MIPOL1: variants seen among roughly 807,000 people sequenced by gnomAD.
MIPOL1 encodes the protein mirror-image polydactyly gene 1 protein.
In MIPOL1, 57 loss-of-function variants were observed where a neutral mutation model predicts 60.9. That is an observed-to-expected ratio of 0.94 (90% CI 0.76 to 1.17). The LOEUF is 1.17. Ranked by LOEUF, MIPOL1 falls within the 50% of genes most tolerant of loss-of-function variation. The probability of loss-of-function intolerance (pLI) is 0.00; values close to 1 mark genes in which losing one functional copy is unlikely to be tolerated. For synonymous variants in MIPOL1, 179 were observed against 168.8 expected (o/e 1.06, Z -0.47); for missense variants, 551 against 511.6 (o/e 1.08, Z -0.74).
Position 37,499,939 on chromosome 14 carries a change from C to T in MIPOL1, c.1063C>T (p.Leu355=). The T allele has an allele frequency of 1.3e-6, 2 of 1,591,398 alleles. No homozygotes were observed. Among genetic ancestry groups the T allele is most frequent in the Non-Finnish European group, 1.7e-6 (2 of 1,168,154 alleles). ...LHKSLSQEEN[L]KDQFNYTLST... ...CAAATCTTTATCTCAAGAAGAAAAT[C>T]TGAAGGATCAGTTTAACTATACCCT... The change falls in exon 12 of 13, where the codon CTG becomes TTG. Residue 355 remains leucine (L), a synonymous_variant. Coordinates refer to ENST00000684589, the MANE Select transcript of MIPOL1 (RefSeq NM_001388067.1).
At chr14:37,383,124 G>T (rs555072492) in intron 10 of MIPOL1, among the ~76,000 whole-genome samples, 2 of 151,450 alleles carry the variant, frequency 1.3e-5, no homozygotes, top group Non-Finnish European at 3.0e-5. Context: ...TATCTAAATG[G>T]CATTTATATT....
At chr14:37,271,761 A>G (rs948284319) in intron 6 of MIPOL1, among the ~76,000 whole-genome samples, 6 of 151,702 alleles carry the variant, frequency 4.0e-5, no homozygotes, top group African/African-American at 1.2e-4. Flanking sequence ...CTATTAGAAG[A>G]AATTTGTTTT....
chr14:37,493,454 GA>G (rs2095074216), intron 11 of MIPOL1, among the ~76,000 whole-genome samples: 1 of 152,052 alleles, frequency 6.6e-6, no homozygotes, highest in Non-Finnish European at 1.5e-5. Context: ...AACCAAGACA[GA>G]AACCACTTCA....
At chr14:37,362,604 A>G (rs2092314052) in intron 9 of MIPOL1, among the ~76,000 whole-genome samples, 1 of 152,102 alleles carries the variant, frequency 6.6e-6, no homozygotes, top group African/African-American at 2.4e-5. Context: ...GCTCTTCTCA[A>G]GCAGTATCTT....
intron 1 of MIPOL1, among the ~76,000 whole-genome samples, chr14:37,227,245 C>T (rs1373484364): frequency 1.3e-5 from 2 of 152,112 alleles, no homozygotes; most frequent in Non-Finnish European, 2.9e-5. Flanking sequence ...TTGCCTTTTC[C>T]TGCTTCTTAG....
chr14:37,223,895 G>T (rs1969259075), intron 1 of MIPOL1, among the ~76,000 whole-genome samples: 2 of 152,154 alleles, frequency 1.3e-5, no homozygotes, highest in South Asian at 4.1e-4. Context: ...TTTAGGAGAG[G>T]CTGGTTTTTA....
In MIPOL1 at chr14:37,499,859, C is replaced by G. The variant is rs752433062; in HGVS notation, c.1032-49C>G. The stretch of plus-strand genomic sequence containing the variant: ...GGTTTTTGTTAAATAGATCATAGAT[C>G]ACTCAGTTTACATTACTTATCTTTA... On this transcript the variant is annotated intron_variant, in intron 11 of 12. Coordinates refer to ENST00000684589, the MANE Select transcript of MIPOL1 (RefSeq NM_001388067.1). 3 of 932,694 alleles carry G rather than the reference C, an allele frequency of 3.2e-6. No individual in the cohort carries two copies. In the East Asian group the frequency reaches 7.9e-5, roughly 25 times the overall value. 57.8% of individuals were successfully genotyped at this position (932,694 alleles called of 1,614,324 possible).
chr14:37,500,703 TTTGACAGCTAGC>T (rs2095203668), intron 12 of MIPOL1, among the ~76,000 whole-genome samples: 1 of 152,218 alleles, frequency 6.6e-6, no homozygotes, highest in South Asian at 2.1e-4. Flanking sequence ...TGTCAGTCCT[TTTGACAGCTAGC>T]AAAATGTTAA....
chr14:37,303,006 G>A lies in MIPOL1; in HGVS notation c.624-5050G>A, dbSNP rs1181470254. Among the ~76,000 whole-genome samples, 3 of 151,820 alleles carry A rather than the reference G, an allele frequency of 2.0e-5. No homozygotes were observed. The Admixed American group carries it at 2.0e-4, about 10-fold the overall frequency. ...TGTTCAATTTATCAGGCACCAAACA[G>A]TGGTATATTATATTTACATGCAATT... On this transcript the variant is annotated intron_variant, in intron 7 of 12. Coordinates refer to ENST00000684589, the MANE Select transcript of MIPOL1 (RefSeq NM_001388067.1).
At chr14:37,399,519 A>C (rs1360301751) in intron 10 of MIPOL1, among the ~76,000 whole-genome samples, 1 of 152,062 alleles carries the variant, frequency 6.6e-6, no homozygotes, top group African/African-American at 2.4e-5. Context: ...TCTCATTTTC[A>C]TTATCTGAGC....
intron 3 of MIPOL1, among the ~76,000 whole-genome samples, 164 bp from the exon 4 acceptor site, chr14:37,266,774 A>G (rs535700150): frequency 6.6e-6 from 1 of 152,294 alleles, no homozygotes; most frequent in South Asian, 2.1e-4. Context: ...ATTTACCATT[A>G]TCTACAACTT....
chr14:37,476,647 T>C (rs1227203763), intron 11 of MIPOL1, among the ~76,000 whole-genome samples: 1 of 152,146 alleles, frequency 6.6e-6, no homozygotes, highest in East Asian at 1.9e-4. Context: ...TGAATGAGCA[T>C]TGGATTTTGT....
chr14:37,388,109 C>T (rs1312821611), intron 10 of MIPOL1, among the ~76,000 whole-genome samples: 3 of 150,490 alleles, frequency 2.0e-5, no homozygotes, highest in African/African-American at 7.3e-5. Flanking sequence ...AATTCCTAAA[C>T]AATATAAGAG....
chr14:37,329,391 A>T (rs1394703502), intron 9 of MIPOL1, among the ~76,000 whole-genome samples: 1 of 152,200 alleles, frequency 6.6e-6, no homozygotes, highest in East Asian at 1.9e-4. Flanking sequence ...TAGTTATCAT[A>T]CTTACATGTT....
chr14:37,217,647 A>G (rs925347992), intron 1 of MIPOL1, among the ~76,000 whole-genome samples: 10 of 152,218 alleles, frequency 6.6e-5, no homozygotes, highest in African/African-American at 1.7e-4. Context: ...AAACCATACA[A>G]TCATTTCAAT....
chr14:37,429,205 A>G (rs17768249), intron 11 of MIPOL1, among the ~76,000 whole-genome samples: 34,533 of 152,090 alleles, frequency 0.23, 4,449 homozygotes, highest in South Asian at 0.36. Flanking sequence ...AGGCATAATA[A>G]TAACAAACTC....
At chr14:37,210,205 C>T (rs1047723711) in intron 1 of MIPOL1, among the ~76,000 whole-genome samples, 14 of 152,096 alleles carry the variant, frequency 9.2e-5, no homozygotes, top group African/African-American at 3.1e-4. Flanking sequence ...GGATATCCCC[C>T]AATTCAATTC....
intron 1 of MIPOL1, among the ~76,000 whole-genome samples, chr14:37,200,850 A>ATGTGTGTGTGTG (rs56965903): frequency 2.0e-4 from 17 of 87,032 alleles, no homozygotes; most frequent in Admixed American, 6.9e-4. Context: ...ATATCTATCT[A>ATGTGTGTGTGTG]TGTGTGTGTG....
At chr14:37,537,189 C>A (rs2095510022) in intron 12 of MIPOL1, among the ~76,000 whole-genome samples, 1 of 152,062 alleles carries the variant, frequency 6.6e-6, no homozygotes, top group South Asian at 2.1e-4. Flanking sequence ...AAAATGCATT[C>A]TTTGGTTTCT....
Sources: allele counts gnomAD v4.1 joint callset (sites outside exome capture counted in the v4.1 genomes callset), GRCh38; gene constraint gnomAD v4.1.1; transcripts MANE v1.5; gene names NCBI Gene and HGNC (gene_info 2026-07-23, HGNC 2026-07-21).